Variants in ELN observed in about 807,000 individuals in gnomAD.
The protein encoded by ELN is tropoelastin.
Under a neutral mutation model 105.8 loss-of-function variants are expected in ELN, and 65 were observed. The observed-to-expected ratio is 0.61, with a 90% CI of 0.50 to 0.75. The LOEUF (loss-of-function observed/expected upper bound fraction) is 0.75. ELN is among the 30% of genes least tolerant of loss of function. ELN has a pLI of 0.00. For synonymous variants in ELN, 368 were observed against 389.2 expected, an observed-to-expected ratio of 0.95 and a Z score of 0.64; for missense variants, 882 against 969.4, an observed-to-expected ratio of 0.91 and a Z score of 1.20.
rs1554677307 is a variant in ELN, at chr7:74,053,187, G to C, written c.974G>C (p.Gly325Ala). The C allele has an allele frequency of 6.2e-7, 1 of 1,614,034 alleles. No individual in the cohort carries two copies. Among genetic ancestry groups the C allele is most frequent in the African/African-American group, 1.3e-5 (1 of 74,916 alleles). ...GGAGCTGCTGCAGGCTTAGTGCCTG[G>C]TGGGCCAGGCTTTGGCCCGGGAGTA... ...KYGAAAGLVP[G>A]GPGFGPGVVG... Residue 325 changes from glycine (G) to alanine (A), a missense_variant, in exon 18 of 33, where the codon GGT (glycine) becomes GCT (alanine). Transcript: ENST00000252034.
intron 29 of ELN, among the ~76,000 whole-genome samples, 195 bp from the exon 30 acceptor site, chr7:74,065,499 A>G (rs1554688413): frequency 6.6e-6 from 1 of 151,810 alleles, no homozygotes; most frequent in Non-Finnish European, 1.5e-5. Flanking sequence ...CTGTAATCCC[A>G]GCTGCTCAGG....
rs888990771 is a variant in ELN, at chr7:74,065,713, C to T, written c.2013C>T (p.Ala671=). 2 of 1,613,994 alleles carry T rather than the reference C, an allele frequency of 1.2e-6. No individual in the cohort carries two copies. Among genetic ancestry groups the T allele is most frequent in the Non-Finnish European group, 1.7e-6 (2 of 1,179,998 alleles). The part of the protein sequence containing the change: ...GGLGGIPPAA[A]AKAAKYGAAG... ...CCCCAGGTATACCTCCAGCTGCAGC[C>T]GCTAAAGCAGCTAAATACGGTGAGT... Residue 671 remains alanine, a synonymous_variant, in exon 30 of 33, where the codon GCC becomes GCT. Coordinates refer to ENST00000252034, the MANE Select transcript of ELN (RefSeq NM_000501.4).
intron 29 of ELN, 77 bp from the exon 30 acceptor site, chr7:74,065,616 GA>G (rs71519315): frequency 0.1 from 128,118 of 1,226,388 alleles, 1 homozygote; most frequent in Middle Eastern, 0.12. Context: ...TCTGCCTCAA[GA>G]AAAAAAAAAA....
intron 1 of ELN, among the ~76,000 whole-genome samples, chr7:74,032,345 G>C (rs1053932317): frequency 5.3e-5 from 8 of 152,214 alleles, no homozygotes; most frequent in Non-Finnish European, 1.0e-4. Flanking sequence ...CCCTGGTGCG[G>C]GGGTAGGACT....
intron 9 of ELN, among the ~76,000 whole-genome samples, 184 bp downstream of exon 9, chr7:74,044,104 G>T (rs1408979050): frequency 6.6e-6 from 1 of 152,100 alleles, no homozygotes; most frequent in Non-Finnish European, 1.5e-5. Flanking sequence ...AGCCAGGCAT[G>T]GTGGTGTGCA....
Position 74,037,634 on chromosome 7 carries a change from G to A in ELN, c.164-73G>A, listed in dbSNP as rs782191688. 9.0e-5 allele frequency: 142 copies of A among 1,574,282 alleles called. 1 individual carries two copies. The South Asian group carries it at 1.3e-3, about 15-fold the overall frequency. ...ATTCCACACTGCCCACACTTTGCCCGGGTTGGGGGTTGGATAAGTAGTAGA... is the reference window on the plus strand; with the variant it reads ...ATTCCACACTGCCCACACTTTGCCCAGGTTGGGGGTTGGATAAGTAGTAGA... On this transcript the variant is annotated intron_variant, in intron 3 of 32. Coordinates refer to ENST00000252034, the MANE Select transcript of ELN (RefSeq NM_000501.4).
chr7:74,028,311 G>C lies in ELN; in HGVS notation c.82+42G>C, dbSNP rs782814385. On this transcript the variant is annotated intron_variant, in intron 1 of 32. Transcript: ENST00000252034. ...CCTGTCCCCAGCGCTGCCCACAGCTGCGGGCCCTTTGGGCCAGGTGACTAG... is the reference window on the plus strand; with the variant it reads ...CCTGTCCCCAGCGCTGCCCACAGCTCCGGGCCCTTTGGGCCAGGTGACTAG... 4 of 1,586,376 alleles carry C rather than the reference G, an allele frequency of 2.5e-6. No homozygotes were observed. In the Admixed American group the frequency reaches 6.9e-5, roughly 27 times the overall value.
chr7:74,031,860 A>AGAAAGAAG (rs1788750040), intron 1 of ELN, among the ~76,000 whole-genome samples: 2 of 107,126 alleles, frequency 1.9e-5, no homozygotes, highest in African/African-American at 7.5e-5. Context: ...AAGGAAGGAA[A>AGAAAGAAG]GAAGGAAGGA....
chr7:74,043,288 C>G, intron 8 of ELN, 120 bp downstream of exon 8: 1 of 1,444,216 alleles, frequency 6.9e-7, no homozygotes, highest in Non-Finnish European at 9.4e-7. Flanking sequence ...TGGCTTCAGT[C>G]GGGCAGAGAA....
intron 25 of ELN, 102 bp downstream of exon 25, chr7:74,060,603 G>C: frequency 6.3e-7 from 1 of 1,588,278 alleles, no homozygotes; most frequent in Non-Finnish European, 8.6e-7. Flanking sequence ...ACCCAGGGGT[G>C]CATAGTAAAA....
At chr7:74,031,137 T>C (rs1202534726) in intron 1 of ELN, among the ~76,000 whole-genome samples, 1 of 152,188 alleles carries the variant, frequency 6.6e-6, no homozygotes, top group Non-Finnish European at 1.5e-5. Context: ...TTCCAGCTCT[T>C]TGAACCTGGA....
intron 18 of ELN, 53 bp downstream of exon 18, chr7:74,053,362 T>TAG: frequency 2.0e-6 from 3 of 1,527,864 alleles, no homozygotes. Context: ...GTGTGTGTAT[T>TAG]AGAGAGAAAT....
intron 25 of ELN, 182 bp downstream of exon 25, chr7:74,060,683 C>G: frequency 6.7e-7 from 1 of 1,486,142 alleles, no homozygotes; most frequent in Non-Finnish European, 9.1e-7. Context: ...GGCCAAGGGA[C>G]CCCAGGCTGC....
At chr7:74,030,831 G>A (rs1554661800) in intron 1 of ELN, among the ~76,000 whole-genome samples, 4 of 152,120 alleles carry the variant, frequency 2.6e-5, no homozygotes. Context: ...GACTTTTCAG[G>A]CTTCCCAGGT....
intron 3 of ELN, 125 bp downstream of exon 3, chr7:74,036,709 G>A (rs1268185034): frequency 3.6e-6 from 5 of 1,382,348 alleles, no homozygotes; most frequent in Non-Finnish European, 4.1e-6. Flanking sequence ...TTCACAGACA[G>A]CATCCAGGCG....
chr7:74,035,572 C>A, intron 2 of ELN, 158 bp downstream of exon 2: 1 of 865,324 alleles, frequency 1.2e-6, no homozygotes, highest in Non-Finnish European at 1.9e-6. Context: ...TGATTTACAG[C>A]TATTAAGAGC....
rs1795469481 is a variant in ELN at position 74,057,328 on chromosome 7, C to A, written c.1358-312C>A. The A allele has an allele frequency of 5.7e-6, 8 of 1,397,638 alleles. No homozygotes were observed. In the South Asian group the frequency reaches 8.6e-5, roughly 15 times the overall value. The allele number at this position is 1,397,638 out of a possible 1,614,324, so 86.6% of individuals were successfully genotyped here. ...CCGATTCTCCCACCCACCCTTGCTC[C>A]CCCAAAAAGTGAGTACTGGGAGGGG... On this transcript the variant is annotated intron_variant, in intron 21 of 32. Coordinates refer to ENST00000252034, the MANE Select transcript of ELN (RefSeq NM_000501.4).
chr7:74,045,769 C>T, intron 10 of ELN: 1 of 306,600 alleles, frequency 3.3e-6, no homozygotes, highest in Non-Finnish European at 6.2e-6. Context: ...GAAAAGAGGG[C>T]CAGATGCAGT....
At chr7:74,067,933 C>CA (rs782107951) in intron 32 of ELN, among the ~76,000 whole-genome samples, 1,811 of 19,544 alleles carry the variant, frequency 0.093, 144 homozygotes, top group Non-Finnish European at 0.15. Flanking sequence ...GATTGCGTCT[C>CA]AAAAAAAAAA....
Sources: allele counts gnomAD v4.1 joint callset (sites outside exome capture counted in the v4.1 genomes callset), GRCh38; gene constraint gnomAD v4.1.1; transcripts MANE v1.5; gene names NCBI Gene and HGNC (gene_info 2026-07-23, HGNC 2026-07-21).